Variants in C8orf34 observed in about 807,000 individuals in gnomAD.
C8orf34 encodes the protein chromosome 8 open reading frame 34.
C8orf34 carries 65 observed loss-of-function variants against 68.3 expected under a neutral mutation model. The observed-to-expected ratio is 0.95, with a 90% CI of 0.78 to 1.17. The LOEUF (loss-of-function observed/expected upper bound fraction) is 1.17. C8orf34 is among the 50% of genes most tolerant of loss of function. The pLI is 0.00. For missense variants in C8orf34, 664 were observed against 655.4 expected (o/e 1.01, Z -0.14); for synonymous variants, 244 against 241.2 (o/e 1.01, Z -0.11).
chr8:68,494,693 A>T (rs1586255652), intron 5 of C8orf34, among the ~76,000 whole-genome samples: 2 of 152,022 alleles, frequency 1.3e-5, no homozygotes, highest in South Asian at 4.1e-4. Flanking sequence ...TGTATCTACT[A>T]AAAATACAAA....
At chr8:68,710,817 A>G (rs914752180) in intron 9 of C8orf34, among the ~76,000 whole-genome samples, 1 of 152,120 alleles carries the variant, frequency 6.6e-6, no homozygotes, top group African/African-American at 2.4e-5. Context: ...CATAGGGCCA[A>G]TGAGCTCTTG....
chr8:68,335,562 T>C (rs943613681), intron 1 of C8orf34, among the ~76,000 whole-genome samples: 1 of 152,186 alleles, frequency 6.6e-6, no homozygotes, highest in Non-Finnish European at 1.5e-5. Flanking sequence ...TTAAGTGTTG[T>C]CATTGACTTA....
At chr8:68,441,451 T>G (rs540522649) in intron 2 of C8orf34, among the ~76,000 whole-genome samples, 2 of 152,266 alleles carry the variant, frequency 1.3e-5, no homozygotes, top group African/African-American at 4.8e-5. Context: ...TTTCCTCTTC[T>G]TATTCTCCTC....
intron 10 of C8orf34, among the ~76,000 whole-genome samples, chr8:68,771,611 A>G (rs1451745065): frequency 6.6e-6 from 1 of 152,104 alleles, no homozygotes; most frequent in East Asian, 1.9e-4. Context: ...TTCCTCCTTA[A>G]GCAGCTCCTT....
chr8:68,626,198 G>A (rs1818533938), intron 7 of C8orf34, among the ~76,000 whole-genome samples: 1 of 152,128 alleles, frequency 6.6e-6, no homozygotes, highest in African/African-American at 2.4e-5. Flanking sequence ...TTTAGTGAAG[G>A]AACAGTAGTA....
chr8:68,462,353 T>C (rs1290892541), intron 3 of C8orf34, among the ~76,000 whole-genome samples: 1 of 152,116 alleles, frequency 6.6e-6, no homozygotes, highest in East Asian at 1.9e-4. Context: ...GAGAATCTAA[T>C]ACCCCACTGT....
chr8:68,757,590 C>T (rs1218625410), intron 10 of C8orf34, among the ~76,000 whole-genome samples: 1 of 152,032 alleles, frequency 6.6e-6, no homozygotes, highest in East Asian at 1.9e-4. Flanking sequence ...CACTGCACTC[C>T]AGCCTGGGCA....
chr8:68,538,814 A>G (rs1458419037), intron 7 of C8orf34, among the ~76,000 whole-genome samples: 1 of 152,180 alleles, frequency 6.6e-6, no homozygotes. Flanking sequence ...TTAAGGATGT[A>G]TAGAAAATTA....
intron 7 of C8orf34, among the ~76,000 whole-genome samples, chr8:68,540,319 T>A (rs1196063753): frequency 6.6e-6 from 1 of 150,694 alleles, no homozygotes; most frequent in Non-Finnish European, 1.5e-5. Flanking sequence ...ATTTCTTATA[T>A]CTAGTATGAA....
At chr8:68,758,241 A>C (rs1585839003) in intron 10 of C8orf34, among the ~76,000 whole-genome samples, 1 of 152,316 alleles carries the variant, frequency 6.6e-6, no homozygotes, top group Non-Finnish European at 1.5e-5. Flanking sequence ...TGGCTCATAT[A>C]TTTTTAAAAA....
At chr8:68,560,331 T>C (rs1816385328) in intron 7 of C8orf34, among the ~76,000 whole-genome samples, 1 of 152,210 alleles carries the variant, frequency 6.6e-6, no homozygotes, top group Non-Finnish European at 1.5e-5. Flanking sequence ...TACTATCTTA[T>C]AGTTACACAT....
chr8:68,651,999 T>C (rs1055039828), intron 8 of C8orf34, among the ~76,000 whole-genome samples: 2 of 152,340 alleles, frequency 1.3e-5, no homozygotes, highest in East Asian at 1.9e-4. Flanking sequence ...GTGATATCTA[T>C]GGACTGAGTT....
intron 8 of C8orf34, among the ~76,000 whole-genome samples, chr8:68,675,896 G>T (rs1391629189): frequency 1.3e-5 from 2 of 152,084 alleles, no homozygotes; most frequent in African/African-American, 4.8e-5. Context: ...AATGGAAAAA[G>T]ATATTCCATG....
At chr8:68,669,838 A>G (rs17478857) in intron 8 of C8orf34, among the ~76,000 whole-genome samples, 17,749 of 152,238 alleles carry the variant, frequency 0.12, 1,368 homozygotes, top group Middle Eastern at 0.23. Context: ...TTTTCATCTC[A>G]GGCCACTGTC....
chr8:68,339,150 CT>C (rs1805970731), intron 1 of C8orf34, among the ~76,000 whole-genome samples: 1 of 151,674 alleles, frequency 6.6e-6, no homozygotes, highest in South Asian at 2.1e-4. Flanking sequence ...ATAAAAATAC[CT>C]GCTGGAATTT....
intron 4 of C8orf34, among the ~76,000 whole-genome samples, chr8:68,474,579 G>C (rs1812521203): frequency 6.6e-6 from 1 of 152,116 alleles, no homozygotes; most frequent in Non-Finnish European, 1.5e-5. Context: ...TGTCTGGACT[G>C]TCATAAATTT....
At chr8:68,784,802 ATGTGTGTGTG>A (rs113788548) in intron 11 of C8orf34, among the ~76,000 whole-genome samples, 1 of 144,398 alleles carries the variant, frequency 6.9e-6, no homozygotes, top group Non-Finnish European at 1.5e-5. Context: ...ATGTGTGTGT[ATGTGTGTGTG>A]TGTGTGTGTG....
At chr8:68,626,000 T>G (rs1818528252) in intron 7 of C8orf34, among the ~76,000 whole-genome samples, 1 of 152,210 alleles carries the variant, frequency 6.6e-6, no homozygotes, top group Non-Finnish European at 1.5e-5. Flanking sequence ...GAATGTTGCT[T>G]GATGCATTGA....
chr8:68,442,127 T>G (rs1810934288), intron 2 of C8orf34, among the ~76,000 whole-genome samples: 1 of 152,124 alleles, frequency 6.6e-6, no homozygotes, highest in Non-Finnish European at 1.5e-5. Context: ...GTGAGATGAC[T>G]TCAGGTGCCC....
Sources: gnomAD v4.1 joint callset for allele counts (sites outside exome capture counted in the v4.1 genomes callset) on GRCh38, gnomAD v4.1.1 for gene constraint, MANE v1.5 for transcripts, NCBI Gene and HGNC (gene_info 2026-07-23, HGNC 2026-07-21) for gene names.